The following VTCN1 variants were observed in gnomAD, a reference collection of about 807,000 sequenced individuals.
VTCN1 encodes the protein V-set domain containing T cell activation inhibitor 1.
VTCN1 carries 26 observed loss-of-function variants against 26.5 expected under a neutral mutation model. The ratio of observed to expected loss-of-function variants is 0.98; its 90% confidence interval spans 0.72 to 1.36. The LOEUF (loss-of-function observed/expected upper bound fraction) is 1.36, where lower values mean the gene tolerates loss of function less well. Ranked by LOEUF, VTCN1 falls within the 40% of genes most tolerant of loss-of-function variation. VTCN1 has a pLI of 0.00. For synonymous variants in VTCN1, 116 were observed against 130.7 expected (o/e 0.89, Z 0.77); for missense variants, 298 against 337.7 (o/e 0.88, Z 0.92).
chr1:117,210,753 G>A (rs567037616), intron 1 of VTCN1, 71 bp downstream of exon 1: 22 of 1,546,570 alleles, frequency 1.4e-5, no homozygotes, highest in South Asian at 7.8e-5. Context: ...GCCCAGCAGT[G>A]CTCAGCATCC....
intron 1 of VTCN1, among the ~76,000 whole-genome samples, chr1:117,184,180 T>A (rs553253283): frequency 1.3e-5 from 2 of 152,224 alleles, no homozygotes; most frequent in East Asian, 3.9e-4. Flanking sequence ...CAAGACCAAG[T>A]GAGGTTGTTG....
At chr1:117,206,836 C>T (rs994453816) in intron 1 of VTCN1, among the ~76,000 whole-genome samples, 2 of 152,164 alleles carry the variant, frequency 1.3e-5, no homozygotes, top group Admixed American at 1.3e-4. Flanking sequence ...ATCATCTACC[C>T]TCAATAGGAG....
intron 2 of VTCN1, among the ~76,000 whole-genome samples, chr1:117,166,480 C>T (rs1388178523): frequency 6.6e-6 from 1 of 151,904 alleles, no homozygotes; most frequent in Admixed American, 6.6e-5. Flanking sequence ...AGTGGCCTGG[C>T]GCGGTGGCTC....
chr1:117,156,023 C>T (rs777878989), intron 3 of VTCN1, among the ~76,000 whole-genome samples: 6 of 152,176 alleles, frequency 3.9e-5, no homozygotes, highest in Non-Finnish European at 8.8e-5. Context: ...CATCTTTATA[C>T]TCTCACAGTA....
chr1:117,147,775 C>T lies in VTCN1; in HGVS notation c.732G>A (p.Glu244=), dbSNP rs1651591668. ...ATGDIKVTES[E]IKRRSHLQLL... ...GCTGTAGGTGACTCCGCCTTTTGAT[C>T]TCCGATTCTGTGAAGTGAGAGAAAA... The change falls in exon 5 of 6, where the codon GAG becomes GAA. Residue 244 remains glutamate, a synonymous_variant. Coordinates refer to ENST00000369458, the MANE Select transcript of VTCN1 (RefSeq NM_024626.4). The surrounding 1 kb of genome is among the most constrained non-coding windows in gnomAD (Gnocchi z 4.6). 6.2e-7 allele frequency: 1 copy of T among 1,613,288 alleles called. No individual in the cohort carries two copies. Among genetic ancestry groups the T allele is most frequent in the Admixed American group, 1.7e-5 (1 of 59,836 alleles).
In VTCN1 at chr1:117,156,762, C is replaced by T. The variant is rs368770116; in HGVS notation, c.257G>A (p.Gly86Asp). ...ATCCTGCTCCGACAGCTCATCTTTG[C>T]CTTCTTTGAACTCATGGACCAAGCC... is the stretch of plus-strand genomic sequence containing the variant. ...VLGLVHEFKE[G>D]KDELSEQDEM... Residue 86 changes from glycine to aspartate, a missense_variant, in exon 3 of 6, where the codon GGC becomes GAC. Physicochemically the swap from Gly to Asp is moderately conservative, Grantham distance 94. Transcript: ENST00000369458. 2 of 1,613,998 alleles carry T rather than the reference C, an allele frequency of 1.2e-6. No homozygotes were observed. The highest frequency in any genetic ancestry group is 2.2e-5 in the South Asian group (2 of 91,078).
rs531044852 is a variant in VTCN1 at position 117,147,220 on chromosome 1, G to A, written c.*45+393C>T. 3.3e-5 allele frequency among the ~76,000 whole-genome samples: 5 copies of A among 152,274 alleles called. No homozygotes were observed. Among genetic ancestry groups the A allele is most frequent in the Admixed American group, 6.5e-5 (1 of 15,282 alleles). On this transcript the variant is annotated intron_variant, in intron 5 of 5. Transcript: ENST00000369458. The surrounding 1 kb of genome is among the most constrained non-coding windows in gnomAD (Gnocchi z 4.6). ...TGAGTCATCTGCCAACTGTCCACAG[G>A]GGCCGGCTGGAAGGGCAGGGAGGGG... is the stretch of plus-strand genomic sequence containing the variant.
At chr1:117,205,700 G>A (rs889982614) in intron 1 of VTCN1, among the ~76,000 whole-genome samples, 2 of 152,178 alleles carry the variant, frequency 1.3e-5, no homozygotes, top group Admixed American at 6.5e-5. Flanking sequence ...GATTAGAAAG[G>A]TAATTTTTCA....
intron 1 of VTCN1, among the ~76,000 whole-genome samples, chr1:117,205,144 T>TA (rs1553214068): frequency 1.6e-4 from 21 of 134,746 alleles, no homozygotes; most frequent in African/African-American, 3.3e-4. Context: ...ATATATATTT[T>TA]TATATATATA....
chr1:117,194,952 A>G (rs1648434962), intron 1 of VTCN1, among the ~76,000 whole-genome samples: 2 of 152,100 alleles, frequency 1.3e-5, no homozygotes, highest in Non-Finnish European at 2.9e-5. Context: ...AATATACAGC[A>G]TGGGGCCTGT....
intron 2 of VTCN1, among the ~76,000 whole-genome samples, chr1:117,163,248 C>T (rs1652460944): frequency 6.6e-6 from 1 of 152,224 alleles, no homozygotes; most frequent in South Asian, 2.1e-4. Context: ...CAGGTACAGG[C>T]TGCCTGGGTT....
chr1:117,158,387 C>T (rs1228728455), intron 2 of VTCN1, among the ~76,000 whole-genome samples: 1 of 152,220 alleles, frequency 6.6e-6, no homozygotes, highest in Non-Finnish European at 1.5e-5. Context: ...TCTGTGCACT[C>T]ACAGGCTCAA....
intron 1 of VTCN1, among the ~76,000 whole-genome samples, chr1:117,196,390 A>G (rs1047822381): frequency 1.7e-4 from 23 of 139,386 alleles, no homozygotes; most frequent in African/African-American, 5.0e-4. Context: ...TATTAAATAC[A>G]TATATATATA....
intron 2 of VTCN1, 84 bp downstream of exon 2, chr1:117,170,023 G>A (rs191832442): frequency 1.5e-6 from 2 of 1,314,242 alleles, no homozygotes; most frequent in East Asian, 4.6e-5. Context: ...AAAGCTCTGG[G>A]CTCTTTCCAT....
At chr1:117,208,237 C>T (rs1021131891) in intron 1 of VTCN1, among the ~76,000 whole-genome samples, 1 of 152,214 alleles carries the variant, frequency 6.6e-6, no homozygotes, top group Non-Finnish European at 1.5e-5. Context: ...TTCCAACACA[C>T]CATGCTCATT....
intron 1 of VTCN1, among the ~76,000 whole-genome samples, chr1:117,180,313 T>C (rs17036913): frequency 0.055 from 8,428 of 152,254 alleles, 736 homozygotes; most frequent in African/African-American, 0.19. Flanking sequence ...CATAAGCATG[T>C]ATTAGCATTT....
rs190456480 is a variant in VTCN1 at position 117,194,218 on chromosome 1, A to G, written c.32+16606T>C. Reference sequence around the variant, plus strand: ...TTTAAAAATGGGCAAAGACTTGAATACACATTTTTTTCAAAGAAGATACGT... The same window carrying G: ...TTTAAAAATGGGCAAAGACTTGAATGCACATTTTTTTCAAAGAAGATACGT... On this transcript the variant is annotated intron_variant, in intron 1 of 5. Coordinates refer to ENST00000369458, the MANE Select transcript of VTCN1 (RefSeq NM_024626.4). Among the ~76,000 whole-genome samples the G allele has an allele frequency of 9.2e-4, 140 of 152,324 alleles. 1 individual carries two copies. The highest frequency in any genetic ancestry group is 1.4e-3 in the Non-Finnish European group (92 of 68,010).
intron 1 of VTCN1, among the ~76,000 whole-genome samples, chr1:117,182,724 G>GGCCT (rs1463619864): frequency 1.3e-5 from 2 of 152,122 alleles, no homozygotes; most frequent in Non-Finnish European, 2.9e-5. Flanking sequence ...TTCAACACAG[G>GGCCT]GCCTGCCTCG....
chr1:117,194,802 T>G (rs986122946), intron 1 of VTCN1, among the ~76,000 whole-genome samples: 3 of 152,194 alleles, frequency 2.0e-5, no homozygotes, highest in Non-Finnish European at 4.4e-5. Context: ...CTCATTTACA[T>G]ATGGAATCTT....
Sources: gnomAD v4.1 joint callset for allele counts (sites outside exome capture counted in the v4.1 genomes callset) on GRCh38, gnomAD v4.1.1 for gene constraint, Gnocchi (gnomAD v3.1) non-coding constraint, MANE v1.5 for transcripts, NCBI Gene and HGNC (gene_info 2026-07-23, HGNC 2026-07-21) for gene names.